The following NCAPH2 variants were observed in gnomAD, a reference collection of about 807,000 sequenced individuals.
NCAPH2 encodes condensin-2 complex subunit H2.
A neutral mutation model predicts 88.6 loss-of-function variants in NCAPH2; 56 were observed. The observed-to-expected ratio is 0.63, with a 90% CI of 0.51 to 0.79. NCAPH2 has a LOEUF of 0.79. Among genes scored for constraint, NCAPH2 ranks in the 30% least tolerant of loss-of-function variants. The pLI, the probability that NCAPH2 is intolerant of heterozygous loss-of-function variation, is 0.00. For missense variants in NCAPH2, 794 were observed against 792.0 expected, an observed-to-expected ratio of 1.00 and a Z score of -0.03; for synonymous variants, 378 against 313.6, an observed-to-expected ratio of 1.21 and a Z score of -2.17.
Position 50,508,418 on chromosome 22 carries a change from G to T in NCAPH2, c.81G>T (p.Ala27=), listed in dbSNP as rs956727985. The T allele has an allele frequency of 6.8e-7, 1 of 1,464,658 alleles. No homozygotes were observed. Among genetic ancestry groups the T allele is most frequent in the Non-Finnish European group, 9.0e-7 (1 of 1,108,558 alleles). The allele number at this position is 1,464,658 out of a possible 1,614,324, so 90.7% of individuals were successfully genotyped here. Residue 27 remains alanine (A), a synonymous_variant, in exon 1 of 20, where the codon GCG becomes GCT. Transcript: ENST00000420993. ...DLTKNWEVDV[A]AQLGEYLEEL... is the part of the protein sequence containing the mutation. ...CCAAGAACTGGGAGGTGGACGTGGC[G>T]GCCCAGCTGGGCGAGTATCTGGAGG...
At chr22:50,518,350 C>G in intron 7 of NCAPH2, 72 bp downstream of exon 7, 2 of 1,559,818 alleles carry the variant, frequency 1.3e-6, no homozygotes, top group East Asian at 4.5e-5. Context: ...TGTGGGGTGC[C>G]CTGTGCTTGC....
chr22:50,508,578 C>T lies in NCAPH2; in HGVS notation c.108+133C>T, dbSNP rs1242433165. ...ATCTGGCGCTCTGGCCGCGCAGGTCCTCGGGCTCCCTGCTTCTTTTCAAAC... is the reference window on the plus strand; with the variant it reads ...ATCTGGCGCTCTGGCCGCGCAGGTCTTCGGGCTCCCTGCTTCTTTTCAAAC... On this transcript the variant is annotated intron_variant, in intron 1 of 19. Coordinates refer to ENST00000420993, the MANE Select transcript of NCAPH2 (RefSeq NM_152299.4). 3 of 544,592 alleles carry T rather than the reference C, an allele frequency of 5.5e-6. No homozygotes were observed. The South Asian group carries it at 1.1e-4, about 19-fold the overall frequency. 33.7% of individuals were successfully genotyped at this position (544,592 alleles called of 1,614,324 possible). A position where few individuals can be genotyped will look rare whatever the true frequency, so the allele number is the denominator to read the frequency against.
Position 50,524,105 on chromosome 22 carries a change from C to T in NCAPH2, c.*730C>T, listed in dbSNP as rs373202260. 5.6e-6 allele frequency: 9 copies of T among 1,612,932 alleles called. No individual in the cohort carries two copies. The highest frequency in any genetic ancestry group is 1.7e-4 in the Middle Eastern group (1 of 6,046). On this transcript the variant is annotated 3_prime_UTR_variant, in exon 20 of 20. Transcript: ENST00000420993. ...CCTCTGTGATCCAGCAGGTGGAAGT[C>T]GCCCTGGCCCACAGCTGCCTGGCGC...
In NCAPH2 at chr22:50,522,362, G is replaced by A. The variant is rs113245089; in HGVS notation, c.1253G>A (p.Arg418Gln). Residue 418 changes from arginine to glutamine, a missense_variant, in exon 15 of 20, where the codon CGG becomes CAG. Coordinates refer to ENST00000420993, the MANE Select transcript of NCAPH2 (RefSeq NM_152299.4). Reference sequence around the variant, plus strand: ...GGACAGGTGGCTGAGCAGTGGCTGCGGCCTGCAGAGGAGGACCACCTGGAG... The same window carrying A: ...GGACAGGTGGCTGAGCAGTGGCTGCAGCCTGCAGAGGAGGACCACCTGGAG... ...QRREVAEQWL[R>Q]PAEEDHLEDS... 3,654 of 1,606,534 alleles carry A rather than the reference G, an allele frequency of 2.3e-3. 60 individuals are homozygous for A. The African/African-American group carries it at 0.038, about 17-fold the overall frequency.
chr22:50,523,748 C>T lies in NCAPH2; in HGVS notation c.*373C>T, dbSNP rs764093441. On this transcript the variant is annotated 3_prime_UTR_variant, in exon 20 of 20. Transcript: ENST00000420993. ...AGGTAGATGGCAATGGAGTGGTCCA[C>T]GATGTAGTCCTGGTCCTCATCCTTG... 22 of 1,614,082 alleles carry T rather than the reference C, an allele frequency of 1.4e-5. No individual in the cohort carries two copies. Among genetic ancestry groups the T allele is most frequent in the East Asian group, 4.5e-5 (2 of 44,898 alleles).
intron 17 of NCAPH2, 28 bp from the exon 18 acceptor site, chr22:50,522,793 G>A (rs2069150783): frequency 1.2e-6 from 2 of 1,612,714 alleles, no homozygotes; most frequent in Middle Eastern, 1.7e-4. Context: ...TGCTTGGGAG[G>A]CAGTAGCTCC....
intron 9 of NCAPH2, among the ~76,000 whole-genome samples, chr22:50,520,078 G>T (rs1263649535): frequency 1.3e-5 from 2 of 151,884 alleles, no homozygotes; most frequent in Admixed American, 6.6e-5. Context: ...CACCATGTTG[G>T]CCAGGATGGT....
chr22:50,516,369 G>C, intron 1 of NCAPH2, 78 bp from the exon 2 acceptor site: 1 of 1,381,686 alleles, frequency 7.2e-7, no homozygotes. Flanking sequence ...AGAGACCAAA[G>C]ATGGGTGGGG....
rs201750011 is a variant in NCAPH2 at position 50,522,782 on chromosome 22, C to G, written c.1426-39C>G. The G allele has an allele frequency of 2.6e-4, 413 of 1,612,584 alleles. 3 individuals are homozygous for G. The African/African-American group carries it at 4.7e-3, about 18-fold the overall frequency. On this transcript the variant is annotated intron_variant, in intron 17 of 19. Coordinates refer to ENST00000420993, the MANE Select transcript of NCAPH2 (RefSeq NM_152299.4). ...GGACAGGTGAGCGGTGCCCAGGCCC[C>G]TGCTTGGGAGGCAGTAGCTCCTGCT...
In NCAPH2 at chr22:50,523,518, G is replaced by A. The variant is rs2148670426; in HGVS notation, c.*143G>A. ...TTATGTACACCTGCGCAGAGAAGAGGGCTGCCTGGCCTCCCTGGGCCGCTG... is the reference window on the plus strand; with the variant it reads ...TTATGTACACCTGCGCAGAGAAGAGAGCTGCCTGGCCTCCCTGGGCCGCTG... On this transcript the variant is annotated 3_prime_UTR_variant, in exon 20 of 20. Coordinates refer to ENST00000420993, the MANE Select transcript of NCAPH2 (RefSeq NM_152299.4). 3 of 1,555,702 alleles carry A rather than the reference G, an allele frequency of 1.9e-6. No individual in the cohort carries two copies. Among genetic ancestry groups the A allele is most frequent in the Non-Finnish European group, 2.6e-6 (3 of 1,145,316 alleles).
At chr22:50,518,773 A>G in intron 8 of NCAPH2, 41 bp downstream of exon 8, 1 of 1,555,626 alleles carries the variant, frequency 6.4e-7, no homozygotes, top group Non-Finnish European at 8.7e-7. Context: ...AGGGCAGCCA[A>G]AGAGGGGACC....
intron 1 of NCAPH2, chr22:50,515,752 G>A (rs2068902900): frequency 3.9e-6 from 5 of 1,276,466 alleles, no homozygotes; most frequent in Non-Finnish European, 4.1e-6. Context: ...CAGGAGATGA[G>A]CCAGCGTTGG....
rs770570400 is a variant in NCAPH2, at chr22:50,518,711, C to A, written c.709C>A (p.Leu237Ile). 1.9e-6 allele frequency: 3 copies of A among 1,607,520 alleles called. No individual in the cohort carries two copies. The Admixed American group carries it at 5.0e-5, about 27-fold the overall frequency. The change falls in exon 8 of 20, where the codon CTC becomes ATC. Residue 237 changes from leucine (L) to isoleucine (I), a missense_variant. By Grantham distance (5) the Leu-to-Ile change is conservative. Around this residue, in one of 2 missense-constraint regions of NCAPH2, gnomAD observed 735 missense variants for 696.3 expected, o/e 1.06. Transcript: ENST00000420993. ...VSVCRSPVPALGFSQEPGPSP... is the reference protein window; with the variant it reads ...VSVCRSPVPAIGFSQEPGPSP... ...CGTGTGCAGGAGCCCTGTCCCAGCA[C>A]TCGGCTTCTCCCAGGAGCCAGGTGA...
At chr22:50,516,381 T>C in intron 1 of NCAPH2, 66 bp from the exon 2 acceptor site, 2 of 1,497,046 alleles carry the variant, frequency 1.3e-6, no homozygotes, top group Non-Finnish European at 1.9e-6. Context: ...TGGGTGGGGC[T>C]GCCCTGGAAG....
At position 50,517,773 on chromosome 22, in the gene NCAPH2, G is replaced by A. The variant is rs926698864; in HGVS notation, c.384G>A (p.Arg128=). ...CGCTGGATGACTTCCCTGACTCCCGGACTAACGTGGATCTCAAGAATGATC... is the reference window on the plus strand; with the variant it reads ...CGCTGGATGACTTCCCTGACTCCCGAACTAACGTGGATCTCAAGAATGATC... ...FLSLDDFPDS[R]TNVDLKNDQT... is the part of the protein sequence containing the mutation. Residue 128 remains arginine, a synonymous_variant, in exon 5 of 20, where the codon CGG becomes CGA. Transcript: ENST00000420993. 1 of 1,613,966 alleles carries A rather than the reference G, an allele frequency of 6.2e-7. No homozygotes were observed. Among genetic ancestry groups the A allele is most frequent in the East Asian group, 2.2e-5 (1 of 44,880 alleles).
In NCAPH2 at chr22:50,524,614, C is replaced by T. The variant is rs752455267; in HGVS notation, c.*1239C>T. On this transcript the variant is annotated 3_prime_UTR_variant, in exon 20 of 20. Transcript: ENST00000420993. Reference sequence around the variant, plus strand: ...AAACATCCACACCTGGGCAACCACACCTGTCACTCCTGTCCTCTACCTGGG... The same window carrying T: ...AAACATCCACACCTGGGCAACCACATCTGTCACTCCTGTCCTCTACCTGGG... 5 of 712,116 alleles carry T rather than the reference C, an allele frequency of 7.0e-6. No individual in the cohort carries two copies. Among genetic ancestry groups the T allele is most frequent in the Admixed American group, 2.0e-5 (1 of 49,770 alleles). 44.1% of individuals were successfully genotyped at this position (712,116 alleles called of 1,614,324 possible). A position where few individuals can be genotyped will look rare whatever the true frequency, so the allele number is the denominator to read the frequency against.
At chr22:50,520,742 A>G in intron 9 of NCAPH2, 1 of 494,268 alleles carries the variant, frequency 2.0e-6, no homozygotes, top group East Asian at 3.5e-5. Flanking sequence ...TTGCATTTTT[A>G]GTAGAGGCGG....
chr22:50,524,321 G>A lies in NCAPH2; in HGVS notation c.*946G>A. The A allele has an allele frequency of 2.5e-6, 4 of 1,601,978 alleles. No individual in the cohort carries two copies. Among genetic ancestry groups the A allele is most frequent in the Non-Finnish European group, 3.4e-6 (4 of 1,179,898 alleles). Reference sequence around the variant, plus strand: ...GACAAAAGCCAGGACCTCAGATGCAGGGCCTGGCCTCCCAGGGTCCCAGGG... The same window carrying A: ...GACAAAAGCCAGGACCTCAGATGCAAGGCCTGGCCTCCCAGGGTCCCAGGG... On this transcript the variant is annotated 3_prime_UTR_variant, in exon 20 of 20. Transcript: ENST00000420993.
intron 8 of NCAPH2, among the ~76,000 whole-genome samples, chr22:50,518,942 C>T (rs2069005202): frequency 6.6e-6 from 1 of 152,220 alleles, no homozygotes; most frequent in Admixed American, 6.5e-5. Flanking sequence ...TGCCCTCTGA[C>T]TGCCCTCCTG....
Sources: gnomAD v4.1 joint callset for allele counts (sites outside exome capture counted in the v4.1 genomes callset) on GRCh38, gnomAD v4.1.1 for gene constraint, gnomAD v4.1.1 regional missense constraint, MANE v1.5 for transcripts, NCBI Gene and HGNC (gene_info 2026-07-23, HGNC 2026-07-21) for gene names.